CNTN3: variants seen among roughly 807,000 people sequenced by gnomAD.
CNTN3 encodes contactin 3.
In CNTN3, 60 loss-of-function variants were observed where a neutral mutation model predicts 119.1. That is an observed-to-expected ratio of 0.50 (90% confidence interval 0.41 to 0.62). CNTN3 has a LOEUF of 0.62. Among genes scored for constraint, CNTN3 ranks in the 20% least tolerant of loss-of-function variants. CNTN3 has a pLI of 0.00. For synonymous variants in CNTN3, 450 were observed against 438.7 expected (o/e 1.03, Z -0.32); for missense variants, 1,101 against 1,242.4 (o/e 0.89, Z 1.71).
At chr3:74,534,696 T>G (rs1275639449) in intron 1 of CNTN3, among the ~76,000 whole-genome samples, 1 of 152,050 alleles carries the variant, frequency 6.6e-6, no homozygotes, top group Admixed American at 6.6e-5. Context: ...CTAAAATAAC[T>G]TGTGTTTCTT....
intron 1 of CNTN3, among the ~76,000 whole-genome samples, chr3:74,563,997 G>A (rs1704190376): frequency 6.6e-6 from 1 of 152,106 alleles, no homozygotes; most frequent in South Asian, 2.1e-4. Context: ...GCCAGGAGCT[G>A]CAATAAGCCC....
intron 1 of CNTN3, among the ~76,000 whole-genome samples, chr3:74,594,713 TG>T (rs1200120253): frequency 1.3e-5 from 2 of 152,176 alleles, no homozygotes; most frequent in East Asian, 3.8e-4. Flanking sequence ...ACATTTGGGT[TG>T]GTCCCAAGTC....
intron 1 of CNTN3, among the ~76,000 whole-genome samples, chr3:74,595,558 C>A (rs1704792072): frequency 6.6e-6 from 1 of 152,140 alleles, no homozygotes; most frequent in East Asian, 1.9e-4. Context: ...TAAATGTAAT[C>A]CAGCATATAA....
intron 5 of CNTN3, among the ~76,000 whole-genome samples, chr3:74,376,617 A>G (rs1330334354): frequency 6.6e-6 from 1 of 152,142 alleles, no homozygotes; most frequent in African/African-American, 2.4e-5. Context: ...ATTATATATT[A>G]CAATGTAATA....
At chr3:74,402,497 A>C (rs1349479334) in intron 5 of CNTN3, among the ~76,000 whole-genome samples, 1 of 152,302 alleles carries the variant, frequency 6.6e-6, no homozygotes, top group East Asian at 1.9e-4. Context: ...ACCTCCTGTA[A>C]CACATGACCT....
chr3:74,419,375 T>C (rs1701581929), intron 5 of CNTN3, among the ~76,000 whole-genome samples: 1 of 143,114 alleles, frequency 7.0e-6, no homozygotes. Flanking sequence ...CTTCTGTTTT[T>C]CAGTCTATCC....
At chr3:74,567,219 C>T (rs1001769867) in intron 1 of CNTN3, among the ~76,000 whole-genome samples, 2 of 151,974 alleles carry the variant, frequency 1.3e-5, no homozygotes, top group East Asian at 1.9e-4. Context: ...CAGTTCACTG[C>T]AGCCTTGACT....
rs1045468295 is a variant in CNTN3, at chr3:74,264,085, G to T, written c.*316C>A. ...TTTCAATGTAAAAAGAAATTCTCATGCGTGTGTGTGTACATGTGAGAGTGT... is the reference window on the plus strand; with the variant it reads ...TTTCAATGTAAAAAGAAATTCTCATTCGTGTGTGTGTACATGTGAGAGTGT... On this transcript the variant is annotated 3_prime_UTR_variant, in exon 23 of 23. Coordinates refer to ENST00000263665, the MANE Select transcript of CNTN3 (RefSeq NM_020872.3). The T allele has an allele frequency of 5.3e-6, 1 of 189,734 alleles. No individual in the cohort carries two copies. Among genetic ancestry groups the T allele is most frequent in the Non-Finnish European group, 1.1e-5 (1 of 93,160 alleles). The allele number at this position is 189,734 out of a possible 1,614,324, so 11.8% of individuals were successfully genotyped here.
intron 4 of CNTN3, among the ~76,000 whole-genome samples, chr3:74,447,118 A>G (rs1302441113): frequency 6.6e-6 from 1 of 152,204 alleles, no homozygotes; most frequent in Non-Finnish European, 1.5e-5. Context: ...AAGAAGCCAA[A>G]AAGAATGATG....
At position 74,302,670 on chromosome 3, in the gene CNTN3, A is replaced by C; in HGVS notation, c.1786+20T>G. ...GTTAAGATGTGAAGTGACAAACTCAAGGGGGCATAAATGTTTTACCTCTTA... is the reference window on the plus strand; with the variant it reads ...GTTAAGATGTGAAGTGACAAACTCACGGGGGCATAAATGTTTTACCTCTTA... On this transcript the variant is annotated intron_variant, in intron 14 of 22. Transcript: ENST00000263665. The C allele has an allele frequency of 7.0e-7, 1 of 1,437,568 alleles. No homozygotes were observed. The highest frequency in any genetic ancestry group is 2.3e-5 in the East Asian group (1 of 43,880). The allele number at this position is 1,437,568 out of a possible 1,614,324, so 89.1% of individuals were successfully genotyped here. A position where few individuals can be genotyped will look rare whatever the true frequency, so the allele number is the denominator to read the frequency against.
At chr3:74,447,503 T>C (rs987163865) in intron 4 of CNTN3, among the ~76,000 whole-genome samples, 1 of 152,170 alleles carries the variant, frequency 6.6e-6, no homozygotes, top group East Asian at 1.9e-4. Context: ...GCATTTTTCA[T>C]TGGTTGAAAA....
At chr3:74,302,198 ATG>A (rs1360100781) in intron 14 of CNTN3, among the ~76,000 whole-genome samples, 1 of 152,096 alleles carries the variant, frequency 6.6e-6, no homozygotes, top group African/African-American at 2.4e-5. Context: ...TGATATCTAG[ATG>A]TGTTTTATTT....
chr3:74,590,252 A>G (rs927877127), intron 1 of CNTN3, among the ~76,000 whole-genome samples: 3 of 152,138 alleles, frequency 2.0e-5, no homozygotes, highest in Middle Eastern at 3.4e-3. Flanking sequence ...GCTTGAGCCA[A>G]TTTGACTTGG....
chr3:74,514,891 T>G (rs1703426005), intron 2 of CNTN3, among the ~76,000 whole-genome samples: 1 of 152,082 alleles, frequency 6.6e-6, no homozygotes, highest in South Asian at 2.1e-4. Context: ...AACTTAGGCC[T>G]AACAAAACAA....
At chr3:74,364,758 G>C (rs1246293137) in intron 9 of CNTN3, among the ~76,000 whole-genome samples, 162 bp from the exon 10 acceptor site, 1 of 152,078 alleles carries the variant, frequency 6.6e-6, no homozygotes, top group Non-Finnish European at 1.5e-5. Context: ...AAATGTGAAA[G>C]ACTAATTTAC....
intron 5 of CNTN3, among the ~76,000 whole-genome samples, chr3:74,375,696 T>C (rs1227867134): frequency 1.3e-5 from 2 of 152,070 alleles, no homozygotes; most frequent in Non-Finnish European, 2.9e-5. Flanking sequence ...AAAGAGACCA[T>C]GACCTAAGGA....
Position 74,268,293 on chromosome 3 carries a change from A to G in CNTN3, c.2705-915T>C, listed in dbSNP as rs1052272900. ...AAAAATCAGTTTCTTGTCAATAACAACAACAAACATAATATTATTCATTCA... is the reference window on the plus strand; with the variant it reads ...AAAAATCAGTTTCTTGTCAATAACAGCAACAAACATAATATTATTCATTCA... On this transcript the variant is annotated intron_variant, in intron 20 of 22. Coordinates refer to ENST00000263665, the MANE Select transcript of CNTN3 (RefSeq NM_020872.3). Among the ~76,000 whole-genome samples, 2 of 152,188 alleles carry G rather than the reference A, an allele frequency of 1.3e-5. 1 individual carries two copies. Among genetic ancestry groups the G allele is most frequent in the Non-Finnish European group, 2.9e-5 (2 of 68,022 alleles).
intron 3 of CNTN3, among the ~76,000 whole-genome samples, chr3:74,498,067 A>T (rs1053993588): frequency 6.6e-6 from 1 of 151,868 alleles, no homozygotes; most frequent in Admixed American, 6.6e-5. Context: ...TCAGGTGAAC[A>T]CATTTATCAC....
At position 74,375,161 on chromosome 3, in the gene CNTN3, C is replaced by G. The variant is rs139962240; in HGVS notation, c.455-3762G>C. 7.4e-4 allele frequency among the ~76,000 whole-genome samples: 112 copies of G among 152,138 alleles called. 1 individual carries two copies. Among genetic ancestry groups the G allele is most frequent in the Non-Finnish European group, 1.2e-3 (84 of 68,010 alleles). Reference sequence around the variant, plus strand: ...CTCTACCGATTCTCCCAAACACAACCCCAGAAAATCAAGAGAGTAAAGATC... The same window carrying G: ...CTCTACCGATTCTCCCAAACACAACGCCAGAAAATCAAGAGAGTAAAGATC... On this transcript the variant is annotated intron_variant, in intron 5 of 22. Coordinates refer to ENST00000263665, the MANE Select transcript of CNTN3 (RefSeq NM_020872.3).
Sources: allele counts gnomAD v4.1 joint callset (sites outside exome capture counted in the v4.1 genomes callset), GRCh38; gene constraint gnomAD v4.1.1; transcripts MANE v1.5; gene names NCBI Gene and HGNC (gene_info 2026-07-23, HGNC 2026-07-21).